The following MYO3B variants were observed in gnomAD, a reference collection of about 807,000 sequenced individuals.
The protein encoded by MYO3B is myosin-IIIb.
A neutral mutation model predicts 174.6 loss-of-function variants in MYO3B; 156 were observed. The ratio of observed to expected loss-of-function variants is 0.89; its 90% CI spans 0.78 to 1.02. MYO3B has a LOEUF of 1.02. MYO3B is among the 50% of genes least tolerant of loss of function. The pLI, the probability that MYO3B is intolerant of heterozygous loss-of-function variation, is 0.00. For synonymous variants in MYO3B, 563 were observed against 569.1 expected, an observed-to-expected ratio of 0.99 and a Z score of 0.15; for missense variants, 1,632 against 1,639.4, an observed-to-expected ratio of 1.00 and a Z score of 0.08.
chr2:170,229,257 C>T (rs938689973), intron 6 of MYO3B, among the ~76,000 whole-genome samples: 2 of 152,192 alleles, frequency 1.3e-5, no homozygotes, highest in African/African-American at 4.8e-5. Context: ...TACCTCTCAG[C>T]CCATCTTATT....
In MYO3B at chr2:170,214,346, T is replaced by C; in HGVS notation, c.322-33T>C. On this transcript the variant is annotated intron_variant, in intron 3 of 34. Transcript: ENST00000408978. Reference sequence around the variant, plus strand: ...CTTTTCTTTTTCACATGTGGTCTCCTGCTCTCCCTGTGTCTGGCACCTCTT... The same window carrying C: ...CTTTTCTTTTTCACATGTGGTCTCCCGCTCTCCCTGTGTCTGGCACCTCTT... 3 of 1,559,388 alleles carry C rather than the reference T, an allele frequency of 1.9e-6. No homozygotes were observed. In the South Asian group the frequency reaches 3.4e-5, roughly 17 times the overall value.
At chr2:170,570,485 G>A (rs1204292235) in intron 32 of MYO3B, among the ~76,000 whole-genome samples, 1 of 152,092 alleles carries the variant, frequency 6.6e-6, no homozygotes, top group African/African-American at 2.4e-5. Flanking sequence ...ATAAAGGTTG[G>A]GTGCATTGGC....
chr2:170,474,059 T>A (rs1167724978), intron 25 of MYO3B, among the ~76,000 whole-genome samples: 5 of 152,158 alleles, frequency 3.3e-5, no homozygotes, highest in Admixed American at 1.3e-4. Context: ...TCCAAAGACA[T>A]GTCTGGATCC....
chr2:170,496,957 G>T (rs1686889383), intron 25 of MYO3B, among the ~76,000 whole-genome samples: 1 of 152,050 alleles, frequency 6.6e-6, no homozygotes, highest in East Asian at 1.9e-4. Flanking sequence ...TAAAAACAGG[G>T]AGAATAAAGG....
intron 6 of MYO3B, among the ~76,000 whole-genome samples, chr2:170,229,882 T>A (rs934568247): frequency 3.9e-5 from 6 of 152,208 alleles, no homozygotes; most frequent in African/African-American, 1.4e-4. Context: ...TCTTGGTAAC[T>A]TTATCAATAA....
chr2:170,405,530 T>TA lies in MYO3B; in HGVS notation c.2432-10dup. The stretch of plus-strand genomic sequence containing the variant: ...TAATTCACATTGTAACTCTCCAACA[T>TA]AAAAATCCACACAGATAAATTTGAA... On this transcript the variant is annotated splice_polypyrimidine_tract_variant and intron_variant, in intron 20 of 34. Coordinates refer to ENST00000408978, the MANE Select transcript of MYO3B (RefSeq NM_138995.5). The TA allele has an allele frequency of 6.2e-7, 1 of 1,613,194 alleles. No individual in the cohort carries two copies. Among genetic ancestry groups the TA allele is most frequent in the Non-Finnish European group, 8.5e-7 (1 of 1,179,246 alleles).
chr2:170,275,506 C>T (rs2093458415), intron 7 of MYO3B, among the ~76,000 whole-genome samples: 1 of 152,170 alleles, frequency 6.6e-6, no homozygotes, highest in African/African-American at 2.4e-5. Context: ...TGGTTGCATT[C>T]ATTTTATTTT....
Position 170,537,211 on chromosome 2 carries a change from A to C in MYO3B, c.3576-5695A>C, listed in dbSNP as rs1270975863. 4.4e-4 allele frequency among the ~76,000 whole-genome samples: 54 copies of C among 122,330 alleles called. 1 individual carries two copies. Among genetic ancestry groups the C allele is most frequent in the Middle Eastern group, 3.7e-3 (1 of 268 alleles). 80.3% of individuals were successfully genotyped at this position (122,330 alleles called of 152,430 possible). ...GCGAGACTCTGTCTCAAAAAAAAAAAAAAACAAAAAACAAAAAGTATCCTG... is the reference window on the plus strand; with the variant it reads ...GCGAGACTCTGTCTCAAAAAAAAAACAAAACAAAAAACAAAAAGTATCCTG... On this transcript the variant is annotated intron_variant, in intron 30 of 34. Transcript: ENST00000408978.
At chr2:170,652,015 G>C in intron 33 of MYO3B, 93 bp from the exon 34 acceptor site, 1 of 1,313,586 alleles carries the variant, frequency 7.6e-7, no homozygotes, top group South Asian at 1.3e-5. Context: ...GATATTATCA[G>C]CATCTGCTTG....
intron 6 of MYO3B, among the ~76,000 whole-genome samples, chr2:170,222,800 C>T (rs567647667): frequency 2.6e-5 from 4 of 152,214 alleles, no homozygotes; most frequent in Admixed American, 2.6e-4. Context: ...TAACAAGCTC[C>T]CAAATACTAA....
chr2:170,536,440 G>A (rs78358597), intron 30 of MYO3B, among the ~76,000 whole-genome samples: 1,901 of 152,356 alleles, frequency 0.012, 45 homozygotes, highest in East Asian at 0.091. Flanking sequence ...GGGATGCAGT[G>A]CATGCATTCA....
intron 22 of MYO3B, among the ~76,000 whole-genome samples, chr2:170,417,504 G>T (rs1156854084): frequency 6.6e-6 from 1 of 152,176 alleles, no homozygotes; most frequent in Non-Finnish European, 1.5e-5. Context: ...GTATAATAGG[G>T]CTACCATGTC....
chr2:170,188,432 T>A (rs1278872709), intron 1 of MYO3B, among the ~76,000 whole-genome samples: 1 of 152,174 alleles, frequency 6.6e-6, no homozygotes, highest in African/African-American at 2.4e-5. Flanking sequence ...AGCCATTCTG[T>A]CTTTTGATTG....
intron 7 of MYO3B, among the ~76,000 whole-genome samples, chr2:170,290,884 A>AG (rs61672334): frequency 6.6e-6 from 1 of 150,880 alleles, no homozygotes; most frequent in Non-Finnish European, 1.5e-5. Context: ...AAAAAAAAAA[A>AG]GAACTTGTAG....
chr2:170,532,741 G>T (rs1310342007), intron 30 of MYO3B, among the ~76,000 whole-genome samples: 3 of 151,664 alleles, frequency 2.0e-5, no homozygotes, highest in Non-Finnish European at 4.4e-5. Flanking sequence ...ACTTGAACCT[G>T]GGAGGTGGGG....
intron 7 of MYO3B, among the ~76,000 whole-genome samples, chr2:170,263,994 C>A (rs779458661): frequency 1.3e-5 from 2 of 152,150 alleles, no homozygotes; most frequent in African/African-American, 2.4e-5. Flanking sequence ...CCTGTTGTGT[C>A]CCTGGGTACT....
In MYO3B at chr2:170,627,658, T is replaced by A. The variant is rs147074944; in HGVS notation, c.3734-23970T>A. On this transcript the variant is annotated intron_variant, in intron 32 of 34. Coordinates refer to ENST00000408978, the MANE Select transcript of MYO3B (RefSeq NM_138995.5). Reference sequence around the variant, plus strand: ...TTTAGAATTTTCTGTTTTTCTGTTCTGTTTTTTCCCCATCTTTGTGGTTTA... The same window carrying A: ...TTTAGAATTTTCTGTTTTTCTGTTCAGTTTTTTCCCCATCTTTGTGGTTTA... Among the ~76,000 whole-genome samples, 253 of 152,364 alleles carry A rather than the reference T, an allele frequency of 1.7e-3. 6 individuals carry two copies. In the East Asian group the frequency reaches 0.045, roughly 27 times the overall value.
At chr2:170,582,413 G>GCCCT (rs1245789192) in intron 32 of MYO3B, among the ~76,000 whole-genome samples, 1 of 152,168 alleles carries the variant, frequency 6.6e-6, no homozygotes, top group Admixed American at 6.5e-5. Flanking sequence ...TGACCTCACT[G>GCCCT]CCCTCCTCTT....
intron 32 of MYO3B, among the ~76,000 whole-genome samples, chr2:170,624,850 TTATATGA>T (rs1395622241): frequency 6.6e-6 from 1 of 152,240 alleles, no homozygotes; most frequent in Non-Finnish European, 1.5e-5. Flanking sequence ...TTGGTTCTGT[TTATATGA>T]TGGATTAAGT....
Sources: allele counts gnomAD v4.1 joint callset (sites outside exome capture counted in the v4.1 genomes callset), GRCh38; gene constraint gnomAD v4.1.1; transcripts MANE v1.5; gene names NCBI Gene and HGNC (gene_info 2026-07-23, HGNC 2026-07-21).